The following AUTS2 variants were observed in gnomAD, a reference collection of about 807,000 sequenced individuals.
The protein encoded by AUTS2 is autism susceptibility gene 2 protein.
Under a neutral mutation model 112.4 loss-of-function variants are expected in AUTS2, and 17 were observed. That is an observed-to-expected ratio of 0.15 (90% CI 0.10 to 0.23). AUTS2 has a LOEUF of 0.23. AUTS2 is among the 10% of genes least tolerant of loss of function. The probability of loss-of-function intolerance (pLI) is 1.00; values close to 1 mark genes in which losing one functional copy is unlikely to be tolerated. For synonymous variants in AUTS2, 751 were observed against 702.7 expected (o/e 1.07, Z -1.09); for missense variants, 1,510 against 1,701.6 (o/e 0.89, Z 1.98).
chr7:70,665,451 C>CTATT (rs140760249), intron 5 of AUTS2, among the ~76,000 whole-genome samples: 21,646 of 146,976 alleles, frequency 0.15, 1,764 homozygotes, highest in Middle Eastern at 0.22. Flanking sequence ...ATCTATTTAT[C>CTATT]TATTTATTTA....
At chr7:70,311,413 A>C (rs1789743848) in intron 4 of AUTS2, among the ~76,000 whole-genome samples, 1 of 152,172 alleles carries the variant, frequency 6.6e-6, no homozygotes, top group African/African-American at 2.4e-5. Flanking sequence ...ATTATTGCCA[A>C]AAAACATTTT....
intron 4 of AUTS2, among the ~76,000 whole-genome samples, chr7:70,230,358 T>C (rs1329305731): frequency 6.6e-6 from 1 of 152,170 alleles, no homozygotes; most frequent in Non-Finnish European, 1.5e-5. Context: ...CTCTACTCCA[T>C]TGAGTTTGCC....
rs371956773 is a variant in AUTS2, at chr7:70,763,019, C to T, written c.892C>T (p.Pro298Ser). 3.1e-6 allele frequency: 5 copies of T among 1,613,956 alleles called. No homozygotes were observed. The highest frequency in any genetic ancestry group is 1.3e-5 in the African/African-American group (1 of 74,886). The change falls in exon 7 of 19, where the codon CCC (proline) becomes TCC (serine). Residue 298 changes from proline to serine, a missense_variant. This residue lies in a region of AUTS2 where 535 missense variants were observed against 594.3 expected (regional missense o/e 0.90). Coordinates refer to ENST00000342771, the MANE Select transcript of AUTS2 (RefSeq NM_015570.4). ...CTTTGAGCCTGTGGTGCTTAAAGAC[C>T]CCTGCCCTCAGGTCGCACAGCCAAT... ...PIFEPVVLKD[P>S]CPQVAQPIPQ...
At chr7:69,667,095 A>G (rs1796086744) in intron 1 of AUTS2, among the ~76,000 whole-genome samples, 1 of 152,168 alleles carries the variant, frequency 6.6e-6, no homozygotes, top group African/African-American at 2.4e-5. Flanking sequence ...GACTCTACAA[A>G]GTCCTGAGGT....
intron 2 of AUTS2, among the ~76,000 whole-genome samples, chr7:69,956,539 T>TC (rs970949704): frequency 6.6e-6 from 1 of 152,102 alleles, no homozygotes; most frequent in African/African-American, 2.4e-5. Context: ...CTCTCTCCCC[T>TC]CAACCCCTTA....
At chr7:70,269,992 T>C (rs1033183146) in intron 4 of AUTS2, among the ~76,000 whole-genome samples, 10 of 152,086 alleles carry the variant, frequency 6.6e-5, no homozygotes, top group African/African-American at 1.9e-4. Context: ...TGGGCTATGA[T>C]AGCACCACTG....
intron 5 of AUTS2, among the ~76,000 whole-genome samples, chr7:70,491,580 G>A (rs1209071016): frequency 7.5e-6 from 1 of 132,500 alleles, no homozygotes; most frequent in Non-Finnish European, 1.6e-5. Flanking sequence ...TATATATAAT[G>A]TATATATATT....
chr7:69,789,147 G>A (rs1045282874), intron 1 of AUTS2, among the ~76,000 whole-genome samples: 9 of 152,128 alleles, frequency 5.9e-5, no homozygotes, highest in Non-Finnish European at 1.5e-5. Context: ...CAAGAATGCA[G>A]CATTTAAGGC....
intron 4 of AUTS2, among the ~76,000 whole-genome samples, chr7:70,263,094 C>G (rs565433635): frequency 6.7e-6 from 1 of 148,466 alleles, no homozygotes; most frequent in African/African-American, 2.5e-5. Flanking sequence ...TTTTTTTTTG[C>G]GTGATACTCA....
At chr7:69,793,445 T>C (rs1789707078) in intron 1 of AUTS2, among the ~76,000 whole-genome samples, 1 of 152,210 alleles carries the variant, frequency 6.6e-6, no homozygotes, top group Non-Finnish European at 1.5e-5. Context: ...TTTCTAATGA[T>C]GTAGACAGTC....
chr7:69,685,924 G>C (rs1179139680), intron 1 of AUTS2, among the ~76,000 whole-genome samples: 4 of 152,060 alleles, frequency 2.6e-5, no homozygotes, highest in Non-Finnish European at 2.9e-5. Context: ...AATCTTTAGA[G>C]GAAATGACCA....
intron 4 of AUTS2, among the ~76,000 whole-genome samples, chr7:70,211,652 GA>G (rs1367661179): frequency 1.4e-5 from 2 of 144,558 alleles, no homozygotes; most frequent in Admixed American, 7.0e-5. Flanking sequence ...CTGTCTCAAA[GA>G]AAAAAAAAGA....
At chr7:70,294,048 A>G (rs1052107346) in intron 4 of AUTS2, 2 of 152,226 alleles carry the variant, frequency 1.3e-5, no homozygotes, top group African/African-American at 4.8e-5. Context: ...GGATATATAT[A>G]TGTGAGGCAC....
chr7:70,782,651 A>ATAAC (rs754641036), intron 15 of AUTS2: 2 of 152,210 alleles, frequency 1.3e-5, no homozygotes, highest in African/African-American at 2.4e-5. Flanking sequence ...CATTCTGCTA[A>ATAAC]TAACTTCATA....
chr7:70,000,976 G>C (rs927823819), intron 2 of AUTS2, among the ~76,000 whole-genome samples: 8 of 152,142 alleles, frequency 5.3e-5, no homozygotes, highest in Non-Finnish European at 1.2e-4. Flanking sequence ...TGCCAGGATG[G>C]TTCTGCCTGG....
intron 6 of AUTS2, among the ~76,000 whole-genome samples, chr7:70,741,468 G>T (rs1450383818): frequency 6.6e-6 from 1 of 152,094 alleles, no homozygotes; most frequent in Non-Finnish European, 1.5e-5. Context: ...GAGGCAGGCG[G>T]ATCATCTGAG....
rs574801433 is a variant in AUTS2 at position 70,533,702 on chromosome 7, C to T, written c.690+97921C>T. On this transcript the variant is annotated intron_variant, in intron 5 of 18. Coordinates refer to ENST00000342771, the MANE Select transcript of AUTS2 (RefSeq NM_015570.4). The stretch of plus-strand genomic sequence containing the variant: ...AAGAGATCAAACCTAGAATCTCTGC[C>T]GATGCAGACCTCATAGTCAGACAAA... Among the ~76,000 whole-genome samples the T allele has an allele frequency of 5.4e-4, 83 of 152,310 alleles. 1 individual carries two copies. The highest frequency in any genetic ancestry group is 1.8e-3 in the African/African-American group (74 of 41,576).
Position 69,937,204 on chromosome 7 carries a change from C to A in AUTS2, c.522+37706C>A, listed in dbSNP as rs548272158. On this transcript the variant is annotated intron_variant, in intron 2 of 18. Transcript: ENST00000342771. ...AGTCATCATATGTTATTTCTCATCT[C>A]AGACTGCCACAGAATTGAGGAGGGA... Among the ~76,000 whole-genome samples, 4 of 152,308 alleles carry A rather than the reference C, an allele frequency of 2.6e-5. No individual in the cohort carries two copies. In the East Asian group the frequency reaches 7.7e-4, roughly 29 times the overall value.
At chr7:70,153,067 G>A (rs1807533431) in intron 4 of AUTS2, among the ~76,000 whole-genome samples, 1 of 152,004 alleles carries the variant, frequency 6.6e-6, no homozygotes, top group South Asian at 2.1e-4. Flanking sequence ...TTCCAATCCT[G>A]GGTTTTTACC....
Sources: gnomAD v4.1 joint callset for allele counts (sites outside exome capture counted in the v4.1 genomes callset) on GRCh38, gnomAD v4.1.1 for gene constraint, gnomAD v4.1.1 regional missense constraint, MANE v1.5 for transcripts, NCBI Gene and HGNC (gene_info 2026-07-23, HGNC 2026-07-21) for gene names.